CLN8: variants seen among roughly 807,000 people sequenced by gnomAD.
CLN8 encodes CLN8 transmembrane ER and ERGIC protein.
CLN8 carries 14 observed loss-of-function variants against 15.7 expected under a neutral mutation model. That is an observed-to-expected ratio of 0.89 (90% CI 0.59 to 1.39). The LOEUF is 1.39. Ranked by LOEUF, CLN8 falls within the 40% of genes most tolerant of loss-of-function variation. The probability of loss-of-function intolerance (pLI) is 0.00; values close to 1 mark genes in which losing one functional copy is unlikely to be tolerated. For missense variants in CLN8, 415 were observed against 364.0 expected (o/e 1.14, Z -1.14); for synonymous variants, 188 against 151.0 (o/e 1.25, Z -1.80).
chr8:1,770,942 G>T lies in CLN8; in HGVS notation c.-113G>T, dbSNP rs374723418. On this transcript the variant is annotated 5_prime_UTR_variant, in exon 2 of 3. Coordinates refer to ENST00000331222, the MANE Select transcript of CLN8 (RefSeq NM_018941.4). ...TGATCTTTCTTTTAGATTGAAGATG[G>T]ATACGTGACAATCCCAGGGACCGCT... is the stretch of plus-strand genomic sequence containing the variant. The T allele has an allele frequency of 1.2e-4, 113 of 916,070 alleles. No homozygotes were observed. In the South Asian group the frequency reaches 1.4e-3, roughly 11 times the overall value. 56.7% of individuals were successfully genotyped at this position (916,070 alleles called of 1,614,324 possible).
At chr8:1,771,700 A>G (rs1485431131) in intron 2 of CLN8, 103 bp downstream of exon 2, 11 of 1,008,552 alleles carry the variant, frequency 1.1e-5, no homozygotes, top group Non-Finnish European at 1.5e-5. Flanking sequence ...GCTGGATTGC[A>G]GCACACACAT....
At chr8:1,761,481 C>T (rs1008121851), upstream of CLN8, among the ~76,000 whole-genome samples, 3 of 152,184 alleles carry the variant, frequency 2.0e-5, no homozygotes, top group African/African-American at 4.8e-5. Context: ...TGCACCACCA[C>T]GCCTGGCTAA....
chr8:1,780,753 A>T lies in CLN8; in HGVS notation c.*186A>T. On this transcript the variant is annotated 3_prime_UTR_variant, in exon 3 of 3. Transcript: ENST00000331222. ...CTACAAAGTATTTTTAAGAAATTAT[A>T]ATTTTATGACTGTCTGGCAGGCTCT... 1.5e-6 allele frequency: 1 copy of T among 651,776 alleles called. No individual in the cohort carries two copies. 40.4% of individuals were successfully genotyped at this position (651,776 alleles called of 1,614,324 possible). A position where few individuals can be genotyped will look rare whatever the true frequency, so the allele number is the denominator to read the frequency against.
Position 1,771,281 on chromosome 8 carries a change from A to C in CLN8, c.227A>C (p.Gln76Pro). Residue 76 changes from glutamine (Q) to proline (P), a missense_variant, in exon 2 of 3, where the codon CAG becomes CCG. Coordinates refer to ENST00000331222, the MANE Select transcript of CLN8 (RefSeq NM_018941.4). Reference sequence around the variant, plus strand: ...GCCACGCGTGCAGTCTTTGGTGTTCAGAGCACAGCCGCAGGCCTGTGGGCT... The same window carrying C: ...GCCACGCGTGCAGTCTTTGGTGTTCCGAGCACAGCCGCAGGCCTGTGGGCT... ...LAATRAVFGV[Q>P]STAAGLWALL... 3 of 1,614,172 alleles carry C rather than the reference A, an allele frequency of 1.9e-6. No individual in the cohort carries two copies. The highest frequency in any genetic ancestry group is 2.5e-6 in the Non-Finnish European group (3 of 1,180,006).
chr8:1,778,474 T>C (rs1801598377), intron 2 of CLN8, among the ~76,000 whole-genome samples: 1 of 152,248 alleles, frequency 6.6e-6, no homozygotes, highest in African/African-American at 2.4e-5. Context: ...TTTTGGATCC[T>C]GCTTCCTCTG....
chr8:1,784,641 T>C lies in CLN8; in HGVS notation c.*4074T>C, dbSNP rs1801785909. On this transcript the variant is annotated 3_prime_UTR_variant, in exon 3 of 3. Coordinates refer to ENST00000331222, the MANE Select transcript of CLN8 (RefSeq NM_018941.4). ...GGGTTGCATCTGTTTTATTCTCTGA[T>C]TGATTCTAAGCCCCATGTCCCTGGC... 1 of 152,324 alleles carries C rather than the reference T, an allele frequency of 6.6e-6. No homozygotes were observed. Among genetic ancestry groups the C allele is most frequent in the African/African-American group, 2.4e-5 (1 of 41,458 alleles). The allele number at this position is 152,324 out of a possible 1,614,324, so 9.4% of individuals were successfully genotyped here. A position where few individuals can be genotyped will look rare whatever the true frequency, so the allele number is the denominator to read the frequency against.
At chr8:1,769,609 C>T (rs1467524755) in intron 1 of CLN8, among the ~76,000 whole-genome samples, 2 of 152,146 alleles carry the variant, frequency 1.3e-5, no homozygotes, top group East Asian at 1.9e-4. Flanking sequence ...TGTCGGTAGC[C>T]GTTCCTATGT....
At chr8:1,769,291 T>C (rs1801205592) in intron 1 of CLN8, among the ~76,000 whole-genome samples, 1 of 152,228 alleles carries the variant, frequency 6.6e-6, no homozygotes. Context: ...GTGTTTTCCA[T>C]GTCCTTGGGG....
intron 2 of CLN8, among the ~76,000 whole-genome samples, chr8:1,777,402 A>C (rs1004830837): frequency 1.3e-5 from 2 of 151,982 alleles, no homozygotes; most frequent in Non-Finnish European, 2.9e-5. Flanking sequence ...GACTTTATGA[A>C]CTCTGTGTAC....
chr8:1,758,156 A>G (rs1159642191), intron 1 of CLN8: 1 of 152,242 alleles, frequency 6.6e-6, no homozygotes, highest in African/African-American at 2.4e-5. Flanking sequence ...TAAGAAAGAT[A>G]CACTTTTTGG....
At chr8:1,763,321 T>A (rs1411461581), upstream of CLN8, 34 of 116,942 alleles carry the variant, frequency 2.9e-4, no homozygotes, top group African/African-American at 1.0e-3. Context: ...CCCGCCATGG[T>A]TCAGCCCGGC....
chr8:1,766,399 T>G (rs898102669), intron 1 of CLN8, among the ~76,000 whole-genome samples: 1 of 149,356 alleles, frequency 6.7e-6, no homozygotes, highest in Non-Finnish European at 1.5e-5. Context: ...TGTTTTTTTT[T>G]TTTTTTTTGA....
upstream of CLN8, chr8:1,762,711 G>A (rs1341269076): frequency 2.0e-5 from 3 of 152,220 alleles, no homozygotes; most frequent in East Asian, 1.9e-4. Flanking sequence ...CAGTCCTGAG[G>A]GGGAGATAAG....
In CLN8 at chr8:1,767,249, T is replaced by C. The variant is rs145925833; in HGVS notation, c.-124+3364T>C. 1.9e-3 allele frequency among the ~76,000 whole-genome samples: 290 copies of C among 152,250 alleles called. 1 individual carries two copies. The highest frequency in any genetic ancestry group is 5.2e-3 in the African/African-American group (217 of 41,542). On this transcript the variant is annotated intron_variant, in intron 1 of 2. Transcript: ENST00000331222. ...AGGAGGTTTGAGCAAAGAATCAGAA[T>C]GGGGGATTCACTACAGGACTGGAAG...
At chr8:1,754,229 C>G (rs1800616293), upstream of CLN8, among the ~76,000 whole-genome samples, 1 of 152,356 alleles carries the variant, frequency 6.6e-6, no homozygotes, top group East Asian at 1.9e-4. Flanking sequence ...CAGCTCCTCT[C>G]CTGCTGGCCT....
rs932915017 is a variant in CLN8, at chr8:1,782,991, G to A, written c.*2424G>A. ...TCCAGTGTCACCCACACATTGGTCC[G>A]GGGACCCCTCAGTGCAGAGCCTGAA... On this transcript the variant is annotated 3_prime_UTR_variant, in exon 3 of 3. Transcript: ENST00000331222. 3.9e-5 allele frequency: 6 copies of A among 152,262 alleles called. No individual in the cohort carries two copies. Among genetic ancestry groups the A allele is most frequent in the Admixed American group, 2.0e-4 (3 of 15,286 alleles). The allele number at this position is 152,262 out of a possible 1,614,324, so 9.4% of individuals were successfully genotyped here. A position where few individuals can be genotyped will look rare whatever the true frequency, so the allele number is the denominator to read the frequency against.
intron 2 of CLN8, among the ~76,000 whole-genome samples, chr8:1,776,133 C>G (rs1288319824): frequency 6.6e-6 from 1 of 152,246 alleles, no homozygotes; most frequent in African/African-American, 2.4e-5. Flanking sequence ...CTGTGAGGGG[C>G]ACACATGCGT....
intron 2 of CLN8, 28 bp from the exon 3 acceptor site, chr8:1,780,222 C>T: frequency 1.2e-6 from 2 of 1,614,248 alleles, no homozygotes; most frequent in Non-Finnish European, 1.7e-6. Flanking sequence ...TTCGCATTGA[C>T]TTGTGCATTT....
At chr8:1,765,562 TG>T (rs1190881082) in intron 1 of CLN8, among the ~76,000 whole-genome samples, 3 of 152,214 alleles carry the variant, frequency 2.0e-5, no homozygotes, top group African/African-American at 7.2e-5. Flanking sequence ...ATAATTCTCA[TG>T]TAAATAGCTC....
Sources: gnomAD v4.1 joint callset for allele counts (sites outside exome capture counted in the v4.1 genomes callset) on GRCh38, gnomAD v4.1.1 for gene constraint, MANE v1.5 for transcripts, NCBI Gene and HGNC (gene_info 2026-07-23, HGNC 2026-07-21) for gene names.